FOXO1: variants seen among roughly 807,000 people sequenced by gnomAD.
FOXO1 encodes the protein forkhead box protein O1.
A neutral mutation model predicts 44.1 loss-of-function variants in FOXO1; 6 were observed. The observed-to-expected ratio is 0.14, with a 90% CI of 0.07 to 0.27. FOXO1 has a LOEUF of 0.27. Among genes scored for constraint, FOXO1 ranks in the 10% least tolerant of loss-of-function variants. The pLI, the probability that FOXO1 is intolerant of heterozygous loss-of-function variation, is 1.00. For missense variants in FOXO1, 737 were observed against 888.8 expected, an observed-to-expected ratio of 0.83 and a Z score of 2.17; for synonymous variants, 380 against 362.7, an observed-to-expected ratio of 1.05 and a Z score of -0.54.
At chr13:40,615,017 A>G (rs904919267) in intron 1 of FOXO1, among the ~76,000 whole-genome samples, 8 of 152,324 alleles carry the variant, frequency 5.3e-5, no homozygotes, top group South Asian at 4.1e-4. Context: ...GAAGTTCCCA[A>G]TGATCACTCC....
chr13:40,567,005 C>A (rs751798332), intron 1 of FOXO1, among the ~76,000 whole-genome samples: 1 of 152,144 alleles, frequency 6.6e-6, no homozygotes, highest in Non-Finnish European at 1.5e-5. Flanking sequence ...AAGAGCTGAG[C>A]CTGGCTGCCT....
At chr13:40,583,787 G>C (rs550529153) in intron 1 of FOXO1, among the ~76,000 whole-genome samples, 8 of 152,172 alleles carry the variant, frequency 5.3e-5, no homozygotes, top group Non-Finnish European at 7.4e-5. Context: ...AGGCTGTTTT[G>C]CTTTCTTATA....
At chr13:40,607,038 C>T (rs1360155528) in intron 1 of FOXO1, among the ~76,000 whole-genome samples, 1 of 152,208 alleles carries the variant, frequency 6.6e-6, no homozygotes, top group Non-Finnish European at 1.5e-5. Flanking sequence ...CCACTTCACC[C>T]TTCCCAGAAA....
chr13:40,588,754 G>A (rs1875264839), intron 1 of FOXO1, among the ~76,000 whole-genome samples: 1 of 152,072 alleles, frequency 6.6e-6, no homozygotes, highest in South Asian at 2.1e-4. Flanking sequence ...GTAGAATAAA[G>A]GGCCTGTCCC....
chr13:40,661,656 G>T (rs1373483554), intron 1 of FOXO1, among the ~76,000 whole-genome samples: 1 of 152,090 alleles, frequency 6.6e-6, no homozygotes, highest in Non-Finnish European at 1.5e-5. Context: ...AGATGTCTCA[G>T]ATCCTCTAAC....
chr13:40,639,977 T>C lies in FOXO1; in HGVS notation c.630+25606A>G, dbSNP rs573398774. ...CTCATTATACATGTGAGAAAACCTA[T>C]CCTTAAATGTTAATTTGTCCAAGGT... On this transcript the variant is annotated intron_variant, in intron 1 of 2. Transcript: ENST00000379561. Among the ~76,000 whole-genome samples the C allele has an allele frequency of 2.0e-5, 3 of 152,296 alleles. No homozygotes were observed. In the South Asian group the frequency reaches 6.2e-4, roughly 32 times the overall value.
intron 1 of FOXO1, among the ~76,000 whole-genome samples, chr13:40,617,157 G>C (rs1257100903): frequency 6.6e-6 from 1 of 152,196 alleles, no homozygotes; most frequent in Non-Finnish European, 1.5e-5. Context: ...CAATAACAAA[G>C]GTGAAAGGCC....
intron 1 of FOXO1, among the ~76,000 whole-genome samples, chr13:40,584,672 G>C (rs1419082283): frequency 3.9e-5 from 6 of 151,998 alleles, no homozygotes; most frequent in Non-Finnish European, 5.9e-5. Flanking sequence ...ATATATATTT[G>C]GATATTATTT....
chr13:40,638,533 T>C (rs1309929143), intron 1 of FOXO1, among the ~76,000 whole-genome samples: 2 of 151,950 alleles, frequency 1.3e-5, no homozygotes, highest in African/African-American at 4.8e-5. Context: ...TCCAATGAGA[T>C]TTGGGGGCGA....
chr13:40,666,001 A>C lies in FOXO1; in HGVS notation c.212T>G (p.Met71Arg). Residue 71 changes from methionine to arginine, a missense_variant, in exon 1 of 3, where the codon ATG becomes AGG. Coordinates refer to ENST00000379561, the MANE Select transcript of FOXO1 (RefSeq NM_002015.4). ...CTCCTCCAGCAAGCTCAGGTTGCTC[A>C]TGAAGTCGGCGCTGACAGCGGCAGC... Reference protein sequence around the residue: ...ASAAAVSADFMSNLSLLEESE... With the variant: ...ASAAAVSADFRSNLSLLEESE... 1.6e-6 allele frequency: 2 copies of C among 1,264,796 alleles called. No homozygotes were observed. The highest frequency in any genetic ancestry group is 2.0e-6 in the Non-Finnish European group (2 of 1,006,700). The allele number at this position is 1,264,796 out of a possible 1,614,324, so 78.3% of individuals were successfully genotyped here.
chr13:40,624,189 A>G (rs1876709645), intron 1 of FOXO1, among the ~76,000 whole-genome samples: 1 of 151,892 alleles, frequency 6.6e-6, no homozygotes, highest in South Asian at 2.1e-4. Flanking sequence ...CCAAAAGGAG[A>G]TATGTGGCCT....
intron 1 of FOXO1, among the ~76,000 whole-genome samples, chr13:40,607,239 G>A (rs1000941259): frequency 3.9e-5 from 6 of 152,190 alleles, no homozygotes; most frequent in African/African-American, 1.2e-4. Flanking sequence ...ACCGGAGGGC[G>A]TTGCAACCAT....
chr13:40,664,758 C>T (rs1878163842), intron 1 of FOXO1, among the ~76,000 whole-genome samples: 1 of 152,106 alleles, frequency 6.6e-6, no homozygotes. Flanking sequence ...CCGGCCCCGA[C>T]GCGCTGGCCC....
intron 1 of FOXO1, among the ~76,000 whole-genome samples, chr13:40,663,434 C>T (rs981274000): frequency 5.3e-5 from 8 of 152,154 alleles, no homozygotes; most frequent in Admixed American, 4.6e-4. Context: ...AAGAAAGGCA[C>T]TCCAGCAAGT....
At chr13:40,637,914 C>A (rs1877214313) in intron 1 of FOXO1, among the ~76,000 whole-genome samples, 1 of 152,112 alleles carries the variant, frequency 6.6e-6, no homozygotes, top group Non-Finnish European at 1.5e-5. Flanking sequence ...TACAGAACTG[C>A]AGAAAAAGTT....
intron 1 of FOXO1, among the ~76,000 whole-genome samples, chr13:40,579,194 C>T (rs1466775305): frequency 1.3e-5 from 2 of 152,164 alleles, no homozygotes; most frequent in African/African-American, 4.8e-5. Context: ...GAAGGAGGGG[C>T]TCTCACTGAA....
intron 1 of FOXO1, among the ~76,000 whole-genome samples, chr13:40,580,967 C>T (rs1421819773): frequency 2.0e-5 from 3 of 152,190 alleles, no homozygotes; most frequent in South Asian, 2.1e-4. Context: ...CCGGCGCTTC[C>T]GCTAGCTAGA....
At chr13:40,586,893 G>A (rs1939516667) in intron 1 of FOXO1, among the ~76,000 whole-genome samples, 1 of 152,166 alleles carries the variant, frequency 6.6e-6, no homozygotes, top group Non-Finnish European at 1.5e-5. Context: ...AAGGAGACAC[G>A]TTGAACAATC....
intron 1 of FOXO1, among the ~76,000 whole-genome samples, chr13:40,643,347 G>GAAAAAAAAA (rs71727126): frequency 4.4e-5 from 4 of 91,318 alleles, no homozygotes; most frequent in Non-Finnish European, 4.5e-5. Context: ...GTCTCAAAAA[G>GAAAAAAAAA]AAAAAAAAAA....
Sources: allele counts gnomAD v4.1 joint callset (sites outside exome capture counted in the v4.1 genomes callset), GRCh38; gene constraint gnomAD v4.1.1; transcripts MANE v1.5; gene names NCBI Gene and HGNC (gene_info 2026-07-23, HGNC 2026-07-21).